The following GRM3 variants were observed in gnomAD, a reference collection of about 807,000 sequenced individuals.
GRM3 encodes glutamate metabotropic receptor 3, also known as metabotropic glutamate receptor 3.
A neutral mutation model predicts 70.5 loss-of-function variants in GRM3; 26 were observed. The observed-to-expected ratio is 0.37, with a 90% CI of 0.27 to 0.51. The LOEUF is 0.51. Ranked by LOEUF, GRM3 falls within the 20% of genes least tolerant of loss-of-function variation. The probability of loss-of-function intolerance (pLI) is 0.93; values close to 1 mark genes in which losing one functional copy is unlikely to be tolerated. For synonymous variants in GRM3, 443 were observed against 434.9 expected (o/e 1.02, Z -0.23); for missense variants, 859 against 1,123.8 (o/e 0.76, Z 3.37).
intron 2 of GRM3, among the ~76,000 whole-genome samples, chr7:86,771,074 C>G (rs987286869): frequency 2.6e-5 from 4 of 151,964 alleles, no homozygotes; most frequent in African/African-American, 9.7e-5. Context: ...ATATTTAGAG[C>G]CAACATAAGG....
chr7:86,720,150 T>C (rs1795422426), intron 1 of GRM3, among the ~76,000 whole-genome samples: 1 of 151,816 alleles, frequency 6.6e-6, no homozygotes, highest in South Asian at 2.1e-4. Context: ...AAGAAGATGA[T>C]GATAAAGTCA....
At chr7:86,825,929 CTCT>C (rs1164035211) in intron 3 of GRM3, among the ~76,000 whole-genome samples, 1 of 152,200 alleles carries the variant, frequency 6.6e-6, no homozygotes, top group African/African-American at 2.4e-5. Context: ...TCACATTTCA[CTCT>C]TCTGCAGCAC....
At chr7:86,769,172 G>T (rs903582829) in intron 2 of GRM3, among the ~76,000 whole-genome samples, 1 of 152,018 alleles carries the variant, frequency 6.6e-6, no homozygotes, top group Non-Finnish European at 1.5e-5. Flanking sequence ...CCTGGTGTGT[G>T]GTAACCGTGG....
chr7:86,782,220 T>TC (rs66745314), intron 2 of GRM3, among the ~76,000 whole-genome samples: 51,932 of 151,946 alleles, frequency 0.34, 9,721 homozygotes, highest in African/African-American at 0.51. Flanking sequence ...GTGGGAGTCC[T>TC]CCATTGTGTG....
chr7:86,707,950 G>A (rs1168770843), intron 1 of GRM3, among the ~76,000 whole-genome samples: 1 of 152,046 alleles, frequency 6.6e-6, no homozygotes, highest in Non-Finnish European at 1.5e-5. Flanking sequence ...AAAAGGTACT[G>A]TCATGATTCC....
intron 1 of GRM3, among the ~76,000 whole-genome samples, chr7:86,679,643 C>A (rs1794395874): frequency 6.6e-6 from 1 of 152,014 alleles, no homozygotes; most frequent in African/African-American, 2.4e-5. Flanking sequence ...TCATTGGCAT[C>A]TGCCGCCCAC....
Position 86,644,248 on chromosome 7 carries a change from T to C in GRM3, c.-765T>C, listed in dbSNP as rs1027553933. 1 of 172,770 alleles carries C rather than the reference T, an allele frequency of 5.8e-6. No homozygotes were observed. The highest frequency in any genetic ancestry group is 5.5e-5 in the Admixed American group (1 of 18,142). The allele number at this position is 172,770 out of a possible 1,614,324, so 10.7% of individuals were successfully genotyped here. ...CCTGGCTTTTCGTATAAAAATCCTC[T>C]CGTCTAGGTACCCTGGCTCACTGAA... On this transcript the variant is annotated 5_prime_UTR_variant, in exon 1 of 6. Coordinates refer to ENST00000361669, the MANE Select transcript of GRM3 (RefSeq NM_000840.3).
At chr7:86,646,354 C>T (rs553448029) in intron 1 of GRM3, among the ~76,000 whole-genome samples, 1 of 152,174 alleles carries the variant, frequency 6.6e-6, no homozygotes, top group South Asian at 2.1e-4. Context: ...TTTCTTACAC[C>T]TGTAGACTTT....
At chr7:86,694,186 G>A (rs802475) in intron 1 of GRM3, among the ~76,000 whole-genome samples, 106,535 of 152,038 alleles carry the variant, frequency 0.7, 37,856 homozygotes, top group East Asian at 0.88. Context: ...TCTAACAACT[G>A]ACCAAATAAC....
At chr7:86,646,608 GATA>G (rs143847246) in intron 1 of GRM3, among the ~76,000 whole-genome samples, 2,421 of 152,174 alleles carry the variant, frequency 0.016, 57 homozygotes, top group African/African-American at 0.054. Context: ...CCTGCCCCTA[GATA>G]CTATATATCT....
intron 1 of GRM3, among the ~76,000 whole-genome samples, chr7:86,727,467 GC>G: frequency 1.3e-5 from 2 of 152,140 alleles, no homozygotes. Flanking sequence ...GCCTATTATA[GC>G]TGAGCATAAA....
chr7:86,796,425 T>A (rs2373335), intron 3 of GRM3, among the ~76,000 whole-genome samples: 54 of 152,312 alleles, frequency 3.5e-4, no homozygotes, highest in Admixed American at 2.9e-3. Flanking sequence ...GGTCCATGTG[T>A]CTGTTTTTGT....
chr7:86,686,210 C>A (rs574336136), intron 1 of GRM3, among the ~76,000 whole-genome samples: 2 of 152,100 alleles, frequency 1.3e-5, no homozygotes, highest in Non-Finnish European at 1.5e-5. Context: ...CATATGCTTT[C>A]AGTGGGTATT....
At chr7:86,849,303 C>T (rs1180718600) in intron 4 of GRM3, among the ~76,000 whole-genome samples, 1 of 152,094 alleles carries the variant, frequency 6.6e-6, no homozygotes. Flanking sequence ...AATTAGGGGT[C>T]CCAAGGTGGA....
intron 1 of GRM3, among the ~76,000 whole-genome samples, chr7:86,668,620 G>A (rs1794091487): frequency 6.6e-6 from 1 of 152,074 alleles, no homozygotes; most frequent in African/African-American, 2.4e-5. Flanking sequence ...GAGGGAAGGA[G>A]GAGAAGAGGA....
At chr7:86,827,846 C>T (rs1028436270) in intron 3 of GRM3, among the ~76,000 whole-genome samples, 2 of 152,110 alleles carry the variant, frequency 1.3e-5, no homozygotes, top group Non-Finnish European at 2.9e-5. Context: ...GGTGCGGTGG[C>T]TCACACCTGT....
At chr7:86,830,857 T>G (rs1798336882) in intron 3 of GRM3, among the ~76,000 whole-genome samples, 1 of 152,136 alleles carries the variant, frequency 6.6e-6, no homozygotes, top group Non-Finnish European at 1.5e-5. Flanking sequence ...TGGGCCCCAG[T>G]CCAATATGGC....
At chr7:86,695,214 T>C (rs774510676) in intron 1 of GRM3, among the ~76,000 whole-genome samples, 61 of 152,188 alleles carry the variant, frequency 4.0e-4, no homozygotes, top group Admixed American at 1.4e-3. Context: ...AGAGAAGTTG[T>C]CATGGAAAAT....
chr7:86,835,092 T>C (rs1296852584), intron 3 of GRM3, among the ~76,000 whole-genome samples: 1 of 152,044 alleles, frequency 6.6e-6, no homozygotes, highest in Non-Finnish European at 1.5e-5. Flanking sequence ...AAAATGACCA[T>C]ACAACTGTGG....
Sources: allele counts gnomAD v4.1 joint callset (sites outside exome capture counted in the v4.1 genomes callset), GRCh38; gene constraint gnomAD v4.1.1; transcripts MANE v1.5; gene names NCBI Gene and HGNC (gene_info 2026-07-23, HGNC 2026-07-21).